SMC1A: variants seen among roughly 807,000 people sequenced by gnomAD.
The protein encoded by SMC1A is structural maintenance of chromosomes protein 1A.
Under a neutral mutation model 94.5 loss-of-function variants are expected in SMC1A, and 4 were observed. The ratio of observed to expected loss-of-function variants is 0.04; its 90% confidence interval spans 0.02 to 0.10. The LOEUF (loss-of-function observed/expected upper bound fraction) is 0.10, where lower values mean the gene tolerates loss of function less well. Among genes scored for constraint, SMC1A ranks in the 10% least tolerant of loss-of-function variants. The pLI is 1.00. For missense variants in SMC1A, 304 were observed against 989.0 expected, an observed-to-expected ratio of 0.31 and a Z score of 9.29; for synonymous variants, 345 against 347.7, an observed-to-expected ratio of 0.99 and a Z score of 0.09.
chrX:53,404,076 C>G (rs1471647773), intron 13 of SMC1A, among the ~76,000 whole-genome samples, 183 bp from the exon 14 acceptor site: 1 of 111,500 alleles, frequency 9.0e-6, no homozygotes, highest in Non-Finnish European at 1.9e-5. Flanking sequence ...GGCTTCTTCC[C>G]TGGCATCCAG....
chrX:53,420,593 A>G (rs1818948071), intron 1 of SMC1A, among the ~76,000 whole-genome samples: 2 of 111,395 alleles, frequency 1.8e-5, no homozygotes, highest in African/African-American at 6.5e-5. Flanking sequence ...CTTGACACAC[A>G]GAGTAGGTAC....
At chrX:53,421,807 A>C in intron 1 of SMC1A, 10 of 1,001,931 alleles carry the variant, frequency 1.0e-5, no homozygotes, top group African/African-American at 1.9e-5. Context: ...CCTGATAAAC[A>C]ATAAGCATTC....
chrX:53,412,179 T>C lies in SMC1A; in HGVS notation c.929A>G (p.Lys310Arg). The change falls in exon 6 of 25, where the codon AAG (lysine) becomes AGG (arginine). Residue 310 changes from lysine to arginine, a missense_variant. Coordinates refer to ENST00000322213, the MANE Select transcript of SMC1A (RefSeq NM_006306.4). ...KAKENTSHKI[K>R]KLEAAKKSLQ... ...AGACTTCTTGGCTGCTTCCAGCTTCTTGATTTTGTGGGAGGTGTTCTCCTT... is the reference window on the plus strand; with the variant it reads ...AGACTTCTTGGCTGCTTCCAGCTTCCTGATTTTGTGGGAGGTGTTCTCCTT... The C allele has an allele frequency of 8.3e-7, 1 of 1,211,792 alleles. No individual in the cohort carries two copies. Among genetic ancestry groups the C allele is most frequent in the Non-Finnish European group, 1.1e-6 (1 of 895,379 alleles).
chrX:53,378,991 G>A lies in SMC1A; in HGVS notation c.*1112C>T, dbSNP rs952825771. On this transcript the variant is annotated 3_prime_UTR_variant, in exon 25 of 25. Transcript: ENST00000322213. Reference sequence around the variant, plus strand: ...TGCCCTGAAACTTTCCCAGTCAGCAGGGCATTCAGCACCTTCCAGATTTGG... The same window carrying A: ...TGCCCTGAAACTTTCCCAGTCAGCAAGGCATTCAGCACCTTCCAGATTTGG... 9.0e-6 allele frequency: 1 copy of A among 111,725 alleles called. No homozygotes were observed. The highest frequency in any genetic ancestry group is 1.9e-5 in the Non-Finnish European group (1 of 53,176). The allele number at this position is 111,725 out of a possible 1,213,427, so 9.2% of individuals were successfully genotyped here. A position where few individuals can be genotyped will look rare whatever the true frequency, so the allele number is the denominator to read the frequency against.
At chrX:53,386,807 C>A (rs1208497180) in intron 19 of SMC1A, among the ~76,000 whole-genome samples, 1 of 111,272 alleles carries the variant, frequency 9.0e-6, no homozygotes, top group Admixed American at 9.6e-5. Flanking sequence ...AAATGAAAAA[C>A]AAACTAAAAC....
chrX:53,395,171 T>TACTACATAATGA (rs1179472624), intron 18 of SMC1A, among the ~76,000 whole-genome samples: 1 of 111,433 alleles, frequency 9.0e-6, no homozygotes, highest in African/African-American at 3.3e-5. Flanking sequence ...AATGAAACTC[T>TACTACATAATGA]GTCTCTACTA....
chrX:53,420,116 C>G (rs2075748979), intron 1 of SMC1A, among the ~76,000 whole-genome samples: 1 of 112,357 alleles, frequency 8.9e-6, no homozygotes, highest in South Asian at 3.6e-4. Context: ...GGAGCACAGG[C>G]ATGGGTTCTG....
At chrX:53,394,207 T>C (rs1482598375) in intron 19 of SMC1A, among the ~76,000 whole-genome samples, 1 of 97,825 alleles carries the variant, frequency 1.0e-5, no homozygotes, top group Admixed American at 1.1e-4. Context: ...TAGGGCTTGG[T>C]GCTTGGTAAT....
intron 9 of SMC1A, among the ~76,000 whole-genome samples, chrX:53,407,354 CCCCTGTGT>C (rs2146601042): frequency 8.9e-6 from 1 of 112,229 alleles, no homozygotes; most frequent in South Asian, 3.7e-4. Flanking sequence ...CATAATGAAG[CCCCTGTGT>C]GGGGGTACCT....
chrX:53,403,746 C>T (rs782305969), intron 14 of SMC1A, 31 bp downstream of exon 14: 15 of 1,168,221 alleles, frequency 1.3e-5, no homozygotes, highest in Middle Eastern at 4.7e-4. Flanking sequence ...TGCCCTGACA[C>T]ACACGCTGGC....
chrX:53,408,309 C>T (rs1569357717), intron 9 of SMC1A, among the ~76,000 whole-genome samples: 1 of 111,355 alleles, frequency 9.0e-6, no homozygotes, highest in Non-Finnish European at 1.9e-5. Flanking sequence ...CCAGCCTGGG[C>T]GACAGAGCGA....
chrX:53,386,915 C>T (rs369939480), intron 19 of SMC1A, among the ~76,000 whole-genome samples: 6 of 112,289 alleles, frequency 5.3e-5, no homozygotes, highest in African/African-American at 1.9e-4. Flanking sequence ...CCCAATGAGG[C>T]TTTCCTTAGC....
At chrX:53,383,359 G>T in intron 19 of SMC1A, 106 bp from the exon 20 acceptor site, 1 of 772,156 alleles carries the variant, frequency 1.3e-6, no homozygotes, top group Non-Finnish European at 1.9e-6. Context: ...GCTCCTATAC[G>T]GAGGGCAGGT....
intron 19 of SMC1A, among the ~76,000 whole-genome samples, chrX:53,391,778 C>T (rs1334169048): frequency 1.8e-5 from 2 of 111,875 alleles, no homozygotes; most frequent in African/African-American, 6.5e-5. Context: ...AGTCACCACA[C>T]CTGGCCAACA....
chrX:53,394,929 T>A (rs1357989188), intron 18 of SMC1A, 41 bp from the exon 19 acceptor site: 1 of 810,631 alleles, frequency 1.2e-6, no homozygotes, highest in African/African-American at 2.0e-5. Flanking sequence ...AGACTGGCCA[T>A]GAGAGTGCAC....
chrX:53,404,110 G>A (rs1271208818), intron 13 of SMC1A, among the ~76,000 whole-genome samples: 1 of 111,337 alleles, frequency 9.0e-6, no homozygotes, highest in African/African-American at 3.3e-5. Context: ...AATCCACAGG[G>A]CTGGGGACAC....
chrX:53,421,228 C>G (rs782623230), intron 1 of SMC1A, among the ~76,000 whole-genome samples: 1 of 112,124 alleles, frequency 8.9e-6, no homozygotes, highest in Admixed American at 9.5e-5. Context: ...ATCACACACA[C>G]CCTCTGTGAC....
intron 1 of SMC1A, among the ~76,000 whole-genome samples, chrX:53,419,550 G>T (rs2075746172): frequency 9.2e-6 from 1 of 108,391 alleles, no homozygotes; most frequent in African/African-American, 3.4e-5. Context: ...AATAGGCCAG[G>T]CGCGGTGGCT....
At position 53,405,855 on chromosome X, in the gene SMC1A, C is replaced by G. The variant is rs782582676; in HGVS notation, c.1647G>C (p.Ser549=). 8.3e-7 allele frequency: 1 copy of G among 1,209,063 alleles called. No homozygotes were observed. Among genetic ancestry groups the G allele is most frequent in the Non-Finnish European group, 1.1e-6 (1 of 894,757 alleles). The part of the protein sequence containing the change: ...GKNMDAIIVD[S]EKTGRDCIQY... ...GAATACAGTCCCGGCCTGTCTTCTC[C>G]GAGTCCACAATAATGGCATCCATGT... The change falls in exon 10 of 25, where the codon TCG becomes TCC. Residue 549 remains serine (S), a synonymous_variant. Transcript: ENST00000322213.
Sources: allele counts gnomAD v4.1 joint callset (sites outside exome capture counted in the v4.1 genomes callset), GRCh38; gene constraint gnomAD v4.1.1; transcripts MANE v1.5; gene names NCBI Gene and HGNC (gene_info 2026-07-23, HGNC 2026-07-21).